SMIM14: variants seen among roughly 807,000 people sequenced by gnomAD.
The protein encoded by SMIM14 is chromosome 4 open reading frame 34.
In SMIM14, 5 loss-of-function variants were observed where a neutral mutation model predicts 12.6. The ratio of observed to expected loss-of-function variants is 0.40; its 90% CI spans 0.21 to 0.83. SMIM14 has a LOEUF of 0.83. SMIM14 is among the 40% of genes least tolerant of loss of function. The pLI, the probability that SMIM14 is intolerant of heterozygous loss-of-function variation, is 0.37. For missense variants in SMIM14, 86 were observed against 119.1 expected (o/e 0.72, Z 1.29); for synonymous variants, 30 against 40.1 (o/e 0.75, Z 0.95).
intron 2 of SMIM14, among the ~76,000 whole-genome samples, chr4:39,592,262 T>A (rs1379013388): frequency 6.8e-6 from 1 of 146,858 alleles, no homozygotes; most frequent in Non-Finnish European, 1.5e-5. Flanking sequence ...GATGGTCATT[T>A]GCCTCTTTTT....
intron 2 of SMIM14, among the ~76,000 whole-genome samples, chr4:39,601,282 C>A (rs1005416031): frequency 2.0e-5 from 3 of 152,184 alleles, no homozygotes; most frequent in African/African-American, 7.2e-5. Flanking sequence ...GCTATAAGAA[C>A]TTTAAATTCT....
chr4:39,578,113 A>G (rs1446719998), intron 2 of SMIM14, among the ~76,000 whole-genome samples: 1 of 152,224 alleles, frequency 6.6e-6, no homozygotes, highest in Admixed American at 6.5e-5. Context: ...CCATGTGTCC[A>G]GTATCCAGTA....
intron 4 of SMIM14, among the ~76,000 whole-genome samples, chr4:39,555,079 G>A (rs549181574): frequency 1.5e-4 from 23 of 151,580 alleles, no homozygotes; most frequent in Admixed American, 1.2e-3. Flanking sequence ...CAGGTGATCC[G>A]CCCATCTTGG....
intron 2 of SMIM14, among the ~76,000 whole-genome samples, chr4:39,572,698 T>C (rs1335198141): frequency 6.6e-6 from 1 of 152,016 alleles, no homozygotes; most frequent in Non-Finnish European, 1.5e-5. Flanking sequence ...GGTGTGTGCC[T>C]GTAGTCTCAG....
intron 2 of SMIM14, among the ~76,000 whole-genome samples, chr4:39,581,645 G>A (rs978196255): frequency 3.1e-5 from 4 of 129,332 alleles, no homozygotes; most frequent in African/African-American, 5.7e-5. Context: ...CTCAAGTGAC[G>A]ATCCTCAGCC....
intron 1 of SMIM14, among the ~76,000 whole-genome samples, chr4:39,619,772 ATAAT>A (rs1476774678): frequency 9.3e-5 from 13 of 139,320 alleles, no homozygotes; most frequent in Middle Eastern, 3.6e-3. Context: ...ATATCAATAA[ATAAT>A]TTATTATATA....
At chr4:39,627,798 G>C (rs754394398) in intron 1 of SMIM14, among the ~76,000 whole-genome samples, 1 of 152,154 alleles carries the variant, frequency 6.6e-6, no homozygotes, top group Non-Finnish European at 1.5e-5. Flanking sequence ...GTTTACTCTT[G>C]TACAATCCTA....
intron 2 of SMIM14, among the ~76,000 whole-genome samples, chr4:39,597,433 GTGGTATTTTTTTTTT>G (rs898770006): frequency 6.6e-6 from 1 of 150,404 alleles, no homozygotes; most frequent in Non-Finnish European, 1.5e-5. Flanking sequence ...ATTGTCACTG[GTGGTATTTTTTTTTT>G]TTTTTTTTTT....
intron 2 of SMIM14, among the ~76,000 whole-genome samples, chr4:39,603,027 T>G (rs962701768): frequency 4.6e-5 from 7 of 152,140 alleles, no homozygotes; most frequent in Admixed American, 3.3e-4. Context: ...AATCTGAAAT[T>G]TTTTGAGCAC....
Position 39,584,701 on chromosome 4 carries a change from T to C in SMIM14, c.76-12238A>G, listed in dbSNP as rs1248298270. On this transcript the variant is annotated intron_variant, in intron 2 of 4. Coordinates refer to ENST00000295958, the MANE Select transcript of SMIM14 (RefSeq NM_174921.3). ...GTCCCAGCTACTTGGGAGGCTGAGG[T>C]GGGAGGACGGTTTGAACCTAGGAGG... 9.7e-5 allele frequency among the ~76,000 whole-genome samples: 13 copies of C among 133,632 alleles called. 1 individual carries two copies. The East Asian group carries it at 2.8e-3, about 29-fold the overall frequency. 87.7% of individuals were successfully genotyped at this position (133,632 alleles called of 152,430 possible).
At chr4:39,580,517 GTTTC>G (rs573399580) in intron 2 of SMIM14, among the ~76,000 whole-genome samples, 389 of 149,910 alleles carry the variant, frequency 2.6e-3, no homozygotes, top group African/African-American at 6.1e-3. Context: ...TCTTGTCTCT[GTTTC>G]TTTCTTTCTT....
At chr4:39,608,605 G>T (rs932819706) in intron 1 of SMIM14, among the ~76,000 whole-genome samples, 1 of 152,310 alleles carries the variant, frequency 6.6e-6, no homozygotes, top group East Asian at 1.9e-4. Flanking sequence ...CAAATTCATG[G>T]AGACAGGAAG....
intron 1 of SMIM14, among the ~76,000 whole-genome samples, chr4:39,636,447 T>C (rs1716093877): frequency 6.6e-6 from 1 of 152,174 alleles, no homozygotes; most frequent in African/African-American, 2.4e-5. Context: ...TACATTATCA[T>C]AGAGATTTGT....
At chr4:39,625,888 C>T (rs1200452297) in intron 1 of SMIM14, among the ~76,000 whole-genome samples, 3 of 152,242 alleles carry the variant, frequency 2.0e-5, no homozygotes, top group East Asian at 1.9e-4. Flanking sequence ...GAAGCAACTA[C>T]GTCAGCATGG....
chr4:39,634,252 T>C (rs924262856), intron 1 of SMIM14, among the ~76,000 whole-genome samples: 3 of 152,284 alleles, frequency 2.0e-5, no homozygotes, highest in African/African-American at 7.2e-5. Context: ...AGGTCATCTG[T>C]CTGTGCAACT....
intron 4 of SMIM14, among the ~76,000 whole-genome samples, chr4:39,555,238 T>TC (rs2109981554): frequency 6.6e-6 from 1 of 151,912 alleles, no homozygotes; most frequent in South Asian, 2.1e-4. Context: ...TAACAGAGGT[T>TC]CTTTTTTTTT....
At chr4:39,638,524 A>G (rs1210278033) in intron 1 of SMIM14, 2 of 985,222 alleles carry the variant, frequency 2.0e-6, no homozygotes, top group South Asian at 4.7e-5. Flanking sequence ...AGAATACCCA[A>G]TTGCAGGCTC....
intron 1 of SMIM14, among the ~76,000 whole-genome samples, chr4:39,622,638 T>G (rs1715545300): frequency 6.6e-6 from 1 of 152,182 alleles, no homozygotes; most frequent in African/African-American, 2.4e-5. Flanking sequence ...TGACCTCAAG[T>G]GATCCGCCGC....
rs559176228 is a variant in SMIM14 at position 39,572,548 on chromosome 4, G to C, written c.76-85C>G. On this transcript the variant is annotated intron_variant, in intron 2 of 4. Coordinates refer to ENST00000295958, the MANE Select transcript of SMIM14 (RefSeq NM_174921.3). ...ATTAGAAAGATCATGTTTTGGCCGG[G>C]TGCGGTGGCTCACGCCTGTAATCCC... is the stretch of plus-strand genomic sequence containing the variant. 4 of 1,176,956 alleles carry C rather than the reference G, an allele frequency of 3.4e-6. No homozygotes were observed. The South Asian group carries it at 3.7e-5, about 11-fold the overall frequency. 72.9% of individuals were successfully genotyped at this position (1,176,956 alleles called of 1,614,324 possible). A position where few individuals can be genotyped will look rare whatever the true frequency, so the allele number is the denominator to read the frequency against.
Sources: gnomAD v4.1 joint callset for allele counts (sites outside exome capture counted in the v4.1 genomes callset) on GRCh38, gnomAD v4.1.1 for gene constraint, MANE v1.5 for transcripts, NCBI Gene and HGNC (gene_info 2026-07-23, HGNC 2026-07-21) for gene names.